The following CLYBL variants were observed in gnomAD, a reference collection of about 807,000 sequenced individuals.
CLYBL encodes citramalyl-CoA lyase, mitochondrial.
In CLYBL, 31 loss-of-function variants were observed where a neutral mutation model predicts 38.9. The ratio of observed to expected loss-of-function variants is 0.80; its 90% CI spans 0.60 to 1.08. CLYBL has a LOEUF of 1.08. Among genes scored for constraint, CLYBL ranks in the 50% least tolerant of loss-of-function variants. The probability of loss-of-function intolerance (pLI) is 0.00; values close to 1 mark genes in which losing one functional copy is unlikely to be tolerated. For synonymous variants in CLYBL, 171 were observed against 158.6 expected, an observed-to-expected ratio of 1.08 and a Z score of -0.59; for missense variants, 434 against 411.6, an observed-to-expected ratio of 1.05 and a Z score of -0.47.
At chr13:99,832,459 A>T (rs1183626858) in intron 2 of CLYBL, among the ~76,000 whole-genome samples, 1 of 152,230 alleles carries the variant, frequency 6.6e-6, no homozygotes, top group Non-Finnish European at 1.5e-5. Flanking sequence ...AGGTAGAAGA[A>T]GCCAACGTAT....
At chr13:99,761,308 G>A (rs753203968) in intron 1 of CLYBL, among the ~76,000 whole-genome samples, 4 of 152,162 alleles carry the variant, frequency 2.6e-5, no homozygotes, top group South Asian at 2.1e-4. Context: ...AGCCAAGATC[G>A]TGCCACTCCA....
intron 2 of CLYBL, among the ~76,000 whole-genome samples, chr13:99,816,533 T>A (rs956170432): frequency 7.9e-5 from 12 of 152,188 alleles, no homozygotes; most frequent in African/African-American, 2.9e-4. Context: ...AATTCATGTG[T>A]TGAAACCTCA....
rs1443273768 is a variant in CLYBL, at chr13:99,693,931, T to A, written c.63-78893T>A. Among the ~76,000 whole-genome samples the A allele has an allele frequency of 2.0e-5, 3 of 152,312 alleles. No individual in the cohort carries two copies. The East Asian group carries it at 5.8e-4, about 29-fold the overall frequency. The stretch of plus-strand genomic sequence containing the variant: ...CTGGCCCCTACTGAATTGGCCACCT[T>A]TGATGTTACAGTACTGAGGAGGGGA... On this transcript the variant is annotated intron_variant, in intron 1 of 8. Transcript: ENST00000339105.
At chr13:99,735,394 C>T (rs1043837973) in intron 1 of CLYBL, among the ~76,000 whole-genome samples, 3 of 152,000 alleles carry the variant, frequency 2.0e-5, no homozygotes, top group African/African-American at 7.2e-5. Flanking sequence ...GAGATCTTTG[C>T]TATATTACCC....
At position 99,607,717 on chromosome 13, in the gene CLYBL, T is replaced by C. The variant is rs369517962; in HGVS notation, c.62+960T>C. Among the ~76,000 whole-genome samples, 11 of 152,348 alleles carry C rather than the reference T, an allele frequency of 7.2e-5. 1 individual carries two copies. In the East Asian group the frequency reaches 1.7e-3, roughly 24 times the overall value. On this transcript the variant is annotated intron_variant, in intron 1 of 8. Transcript: ENST00000339105. Reference sequence around the variant, plus strand: ...GAGTTTGGTTCAAACACTAAGTGTATGGCTCCTGGTCTGGAACTTCTTTAT... The same window carrying C: ...GAGTTTGGTTCAAACACTAAGTGTACGGCTCCTGGTCTGGAACTTCTTTAT...
chr13:99,770,967 G>T (rs926677417), intron 1 of CLYBL, among the ~76,000 whole-genome samples: 2 of 147,700 alleles, frequency 1.4e-5, no homozygotes, highest in African/African-American at 5.1e-5. Context: ...TGATCCACCC[G>T]CCTTGGCCTC....
intron 2 of CLYBL, among the ~76,000 whole-genome samples, chr13:99,780,270 G>T (rs142272149): frequency 8.7e-4 from 133 of 152,208 alleles, no homozygotes; most frequent in Admixed American, 2.7e-3. Context: ...ACTTTCCTTA[G>T]GTTGGCATTT....
chr13:99,860,436 G>C (rs1025270845), intron 3 of CLYBL, among the ~76,000 whole-genome samples: 2 of 152,156 alleles, frequency 1.3e-5, no homozygotes, highest in Non-Finnish European at 2.9e-5. Flanking sequence ...TATTGACTAA[G>C]CTGGAGTTCT....
At chr13:99,658,670 G>A (rs1353260973) in intron 1 of CLYBL, among the ~76,000 whole-genome samples, 4 of 152,204 alleles carry the variant, frequency 2.6e-5, no homozygotes, top group South Asian at 2.1e-4. Flanking sequence ...CTCGGGCAGA[G>A]CAGGTTCTCT....
At chr13:99,701,600 C>T (rs906532105) in intron 1 of CLYBL, among the ~76,000 whole-genome samples, 2 of 151,572 alleles carry the variant, frequency 1.3e-5, no homozygotes, top group East Asian at 2.0e-4. Flanking sequence ...CGTGAGCCAC[C>T]GCGCCCGGCC....
intron 2 of CLYBL, among the ~76,000 whole-genome samples, chr13:99,835,864 G>A (rs934202851): frequency 2.0e-5 from 3 of 152,178 alleles, no homozygotes; most frequent in African/African-American, 4.8e-5. Context: ...ACTGTGCACA[G>A]TTAACCAGGA....
chr13:99,892,685 G>A (rs2052516659), downstream of CLYBL: 2 of 152,584 alleles, frequency 1.3e-5, no homozygotes, highest in African/African-American at 4.8e-5. Flanking sequence ...ACACCGCGGG[G>A]AAGGCTGTTC....
chr13:99,858,683 C>G (rs546138460), intron 2 of CLYBL, among the ~76,000 whole-genome samples, 178 bp from the exon 3 acceptor site: 1 of 152,356 alleles, frequency 6.6e-6, no homozygotes, highest in South Asian at 2.1e-4. Flanking sequence ...TAAAAATCAA[C>G]TGCTCACCTT....
chr13:99,860,660 A>T (rs751380943), intron 3 of CLYBL, among the ~76,000 whole-genome samples: 1 of 152,244 alleles, frequency 6.6e-6, no homozygotes. Context: ...GCCTTCCGCT[A>T]TGGCTTCTGT....
chr13:99,736,984 A>T (rs1347005189), intron 1 of CLYBL, among the ~76,000 whole-genome samples: 2 of 152,242 alleles, frequency 1.3e-5, no homozygotes, highest in African/African-American at 2.4e-5. Flanking sequence ...AGCCAAAAAA[A>T]ACCCTTTAGA....
chr13:99,758,786 C>A (rs185203273), intron 1 of CLYBL, among the ~76,000 whole-genome samples: 2 of 152,346 alleles, frequency 1.3e-5, no homozygotes, highest in East Asian at 3.9e-4. Context: ...AGTTTTGTTG[C>A]CTTTGATCTT....
rs1165919560 is a variant in CLYBL at position 99,748,429 on chromosome 13, GTTTTTTTTTTTTT to G, written c.63-24379_63-24367del. Among the ~76,000 whole-genome samples the G allele has an allele frequency of 3.5e-4, 31 of 87,686 alleles. No homozygotes were observed. The East Asian group carries it at 0.011, about 30-fold the overall frequency. The allele number at this position is 87,686 out of a possible 152,430, so 57.5% of individuals were successfully genotyped here. A position where few individuals can be genotyped will look rare whatever the true frequency, so the allele number is the denominator to read the frequency against. Reference sequence around the variant, plus strand: ...CTGGCAACTATCACTCTAGTTTTGTGTTTTTTTTTTTTTTTTTTTTTTTTTTTTGAGATGGAGT... The same window carrying G: ...CTGGCAACTATCACTCTAGTTTTGTGTTTTTTTTTTTTTTTGAGATGGAGT... On this transcript the variant is annotated intron_variant, in intron 1 of 8. Coordinates refer to ENST00000339105, the MANE Select transcript of CLYBL (RefSeq NM_206808.5).
At chr13:99,901,655 T>G (rs9585258), downstream of CLYBL, among the ~76,000 whole-genome samples, 22,838 of 145,936 alleles carry the variant, frequency 0.16, 2,013 homozygotes, top group African/African-American at 0.24. Flanking sequence ...GTTTTTTTTT[T>G]TTGTTTGTTT....
chr13:99,674,600 A>G (rs554827509), intron 1 of CLYBL, among the ~76,000 whole-genome samples: 1 of 152,254 alleles, frequency 6.6e-6, no homozygotes, highest in African/African-American at 2.4e-5. Context: ...GAGCTGACTG[A>G]GCAGTCACAC....
Sources: gnomAD v4.1 joint callset for allele counts (sites outside exome capture counted in the v4.1 genomes callset) on GRCh38, gnomAD v4.1.1 for gene constraint, MANE v1.5 for transcripts, NCBI Gene and HGNC (gene_info 2026-07-23, HGNC 2026-07-21) for gene names.